The following GRTP1 variants were observed in gnomAD, a reference collection of about 807,000 sequenced individuals.
GRTP1 encodes the protein growth hormone regulated TBC protein 1.
Under a neutral mutation model 38.1 loss-of-function variants are expected in GRTP1, and 56 were observed. That is an observed-to-expected ratio of 1.47 (90% CI 1.19 to 1.84). The LOEUF is 1.84. Ranked by LOEUF, GRTP1 falls within the 40% of genes most tolerant of loss-of-function variation. GRTP1 has a pLI of 0.00. For missense variants in GRTP1, 506 were observed against 453.9 expected (o/e 1.11, Z -1.04); for synonymous variants, 217 against 189.5 (o/e 1.14, Z -1.19).
intron 5 of GRTP1, among the ~76,000 whole-genome samples, chr13:113,336,305 T>TTTG (rs796682682): frequency 8.5e-5 from 8 of 94,378 alleles, no homozygotes; most frequent in African/African-American, 1.1e-4. Flanking sequence ...GTAGTTTTTT[T>TTTG]TTTTTTTTTT....
chr13:113,346,073 G>C (rs1162351831), intron 4 of GRTP1, among the ~76,000 whole-genome samples: 34 of 83,208 alleles, frequency 4.1e-4, no homozygotes, highest in East Asian at 8.0e-4. Context: ...GACCTCTGCG[G>C]CTGAGCAGAC....
rs116326643 is a variant in GRTP1, at chr13:113,347,531, T to A, written c.466-2572A>T. Among the ~76,000 whole-genome samples the A allele has an allele frequency of 1.3e-3, 74 of 56,024 alleles. 2 individuals carry two copies. Among genetic ancestry groups the A allele is most frequent in the Non-Finnish European group, 1.5e-3 (39 of 25,246 alleles). The allele number at this position is 56,024 out of a possible 152,430, so 36.8% of individuals were successfully genotyped here. On this transcript the variant is annotated intron_variant, in intron 4 of 7. Coordinates refer to ENST00000375431, the MANE Select transcript of GRTP1 (RefSeq NM_024719.4). ...GCGGACCCAGGAGCACCTCTGTGGCTGAGCGGATCCGGGAGGACCTCTGTG... is the reference window on the plus strand; with the variant it reads ...GCGGACCCAGGAGCACCTCTGTGGCAGAGCGGATCCGGGAGGACCTCTGTG...
At chr13:113,345,114 G>GTT in intron 4 of GRTP1, 155 bp from the exon 5 acceptor site, 1 of 319,882 alleles carries the variant, frequency 3.1e-6, no homozygotes, top group Non-Finnish European at 4.5e-6. Flanking sequence ...GAACTCTAGA[G>GTT]TCACTAAATA....
intron 5 of GRTP1, among the ~76,000 whole-genome samples, chr13:113,333,838 A>AGTGTGTGTGTGT (rs1555314877): frequency 4.2e-5 from 1 of 23,546 alleles, no homozygotes; most frequent in African/African-American, 6.8e-5. Flanking sequence ...TTATTTATTT[A>AGTGTGTGTGTGT]GTGTGTGTGT....
intron 5 of GRTP1, among the ~76,000 whole-genome samples, chr13:113,328,006 G>A (rs1480458272): frequency 2.6e-5 from 4 of 152,234 alleles, no homozygotes; most frequent in Admixed American, 6.5e-5. Flanking sequence ...AATTAAAGCC[G>A]CAGCTTCTTT....
chr13:113,346,094 A>AGTGGACCCGGGAGGATC (rs1468473193), intron 4 of GRTP1, among the ~76,000 whole-genome samples: 2 of 55,868 alleles, frequency 3.6e-5, no homozygotes, highest in African/African-American at 1.6e-4. Context: ...CTGGGAAGAC[A>AGTGGACCCGGGAGGATC]TCTGTGGCCG....
At chr13:113,352,337 T>TATATATATTTTATATA (rs2043295312) in intron 3 of GRTP1, among the ~76,000 whole-genome samples, 1 of 51,560 alleles carries the variant, frequency 1.9e-5, no homozygotes, top group Non-Finnish European at 3.8e-5. Flanking sequence ...TATATATATT[T>TATATATATTTTATATA]TATATATATA....
intron 3 of GRTP1, among the ~76,000 whole-genome samples, chr13:113,353,824 C>T (rs1004994343): frequency 1.3e-5 from 2 of 152,158 alleles, no homozygotes; most frequent in African/African-American, 4.8e-5. Flanking sequence ...AACCCTAGCA[C>T]TTTGGGAGGT....
chr13:113,329,466 T>C (rs2042825199), intron 5 of GRTP1, among the ~76,000 whole-genome samples: 1 of 152,078 alleles, frequency 6.6e-6, no homozygotes, highest in South Asian at 2.1e-4. Context: ...TAATCCCAGC[T>C]ACTCAGCTAC....
At chr13:113,360,848 C>T (rs1041816287) in intron 2 of GRTP1, among the ~76,000 whole-genome samples, 3 of 152,266 alleles carry the variant, frequency 2.0e-5, no homozygotes, top group Middle Eastern at 3.4e-3. Context: ...TGGTGGCTCA[C>T]GCCTGTCATC....
chr13:113,346,244 C>A (rs1271753085), intron 4 of GRTP1, among the ~76,000 whole-genome samples: 4 of 134,400 alleles, frequency 3.0e-5, no homozygotes, highest in African/African-American at 8.7e-5. Flanking sequence ...CCGGGAGGAC[C>A]TCTGTGGCCG....
chr13:113,346,239 AGGACCTCTGTGGCCGAGAGCAGATCCG>A (rs2043125943), intron 4 of GRTP1, among the ~76,000 whole-genome samples: 1 of 134,984 alleles, frequency 7.4e-6, no homozygotes, highest in Non-Finnish European at 1.6e-5. Flanking sequence ...CAGACCCGGG[AGGACCTCTGTGGCCGAGAGCAGATCCG>A]GGAGGACCTC....
At chr13:113,327,756 C>T (rs946181872) in intron 5 of GRTP1, among the ~76,000 whole-genome samples, 1 of 152,232 alleles carries the variant, frequency 6.6e-6, no homozygotes, top group African/African-American at 2.4e-5. Flanking sequence ...ACCGTTCCAG[C>T]TGGGGAGAGA....
chr13:113,338,776 C>T (rs1455596425), intron 5 of GRTP1, among the ~76,000 whole-genome samples: 3 of 152,230 alleles, frequency 2.0e-5, no homozygotes, highest in Admixed American at 6.6e-5. Context: ...TCCATTTCCA[C>T]CTTCATGCTC....
intron 4 of GRTP1, among the ~76,000 whole-genome samples, chr13:113,347,484 G>A (rs199745459): frequency 0.018 from 668 of 37,926 alleles, 3 homozygotes; most frequent in Middle Eastern, 0.075. Flanking sequence ...GAGCAGACCT[G>A]GGAGGACCTC....
chr13:113,346,160 G>T (rs188528247), intron 4 of GRTP1, among the ~76,000 whole-genome samples: 293 of 142,666 alleles, frequency 2.1e-3, no homozygotes, highest in Non-Finnish European at 3.2e-3. Flanking sequence ...GGACCTCTGT[G>T]CCTGACAGTG....
chr13:113,329,108 C>G (rs1388685668), intron 5 of GRTP1, among the ~76,000 whole-genome samples: 1 of 152,254 alleles, frequency 6.6e-6, no homozygotes, highest in African/African-American at 2.4e-5. Context: ...TGATAAGCGT[C>G]TTTTTCTCAC....
intron 2 of GRTP1, chr13:113,360,057 G>GT (rs1404441391): frequency 6.6e-6 from 1 of 152,132 alleles, no homozygotes; most frequent in Non-Finnish European, 1.5e-5. Flanking sequence ...GTTTTTCGGT[G>GT]TATCTTTGAA....
intron 5 of GRTP1, among the ~76,000 whole-genome samples, chr13:113,326,348 T>C (rs947520319): frequency 1.9e-5 from 2 of 107,122 alleles, no homozygotes; most frequent in Non-Finnish European, 1.9e-5. Flanking sequence ...TGGGCATCAG[T>C]TAAAATCTGC....
Sources: allele counts gnomAD v4.1 joint callset (sites outside exome capture counted in the v4.1 genomes callset), GRCh38; gene constraint gnomAD v4.1.1; transcripts MANE v1.5; gene names NCBI Gene and HGNC (gene_info 2026-07-23, HGNC 2026-07-21).